Variants in RFWD3 observed in about 807,000 individuals in gnomAD.
RFWD3 encodes the protein ring finger and WD repeat domain 3, also known as E3 ubiquitin-protein ligase RFWD3.
In RFWD3, 65 loss-of-function variants were observed where a neutral mutation model predicts 87.7. The ratio of observed to expected loss-of-function variants is 0.74; its 90% CI spans 0.61 to 0.91. The LOEUF is 0.91. Ranked by LOEUF, RFWD3 falls within the 40% of genes least tolerant of loss-of-function variation. RFWD3 has a pLI of 0.00. For missense variants in RFWD3, 1,078 were observed against 938.5 expected (o/e 1.15, Z -1.94); for synonymous variants, 433 against 352.8 (o/e 1.23, Z -2.55).
Position 74,652,224 on chromosome 16 carries a change from C to T in RFWD3, c.519-102G>A, listed in dbSNP as rs918422816. 11 of 1,063,092 alleles carry T rather than the reference C, an allele frequency of 1.0e-5. No homozygotes were observed. In the Admixed American group the frequency reaches 2.3e-4, roughly 22 times the overall value. 65.9% of individuals were successfully genotyped at this position (1,063,092 alleles called of 1,614,324 possible). ...AAATCCTATCACTTCAACCCATCTC[C>T]AGGCCATTAAATGCTGCCTTTGAAA... is the stretch of plus-strand genomic sequence containing the variant. On this transcript the variant is annotated intron_variant, in intron 2 of 12. Transcript: ENST00000361070.
intron 3 of RFWD3, among the ~76,000 whole-genome samples, chr16:74,651,599 T>TG (rs1175479084): frequency 6.6e-6 from 1 of 152,076 alleles, no homozygotes; most frequent in East Asian, 1.9e-4. Context: ...CAGTTGTCAC[T>TG]GGGGGACAGA....
intron 2 of RFWD3, among the ~76,000 whole-genome samples, chr16:74,660,274 C>G (rs1358492996): frequency 4.6e-5 from 7 of 152,058 alleles, no homozygotes; most frequent in African/African-American, 1.4e-4. Context: ...CATCTCAAAA[C>G]AAAACAAAAC....
chr16:74,626,469 C>T lies in RFWD3; in HGVS notation c.2055G>A (p.Gln685=). The part of the protein sequence containing the change: ...DDTGNPICSC[Q]PVHTFFGGPT... The stretch of plus-strand genomic sequence containing the variant: ...GTCCTCCAAAAAATGTATGTACAGG[C>T]TGGCAGGAGCAGATTGGATTTCCAG... Residue 685 remains glutamine (Q), a synonymous_variant, in exon 12 of 13, where the codon CAG becomes CAA. Transcript: ENST00000361070. 1 of 1,614,142 alleles carries T rather than the reference C, an allele frequency of 6.2e-7. No individual in the cohort carries two copies. The highest frequency in any genetic ancestry group is 1.1e-5 in the South Asian group (1 of 91,082).
intron 4 of RFWD3, among the ~76,000 whole-genome samples, 158 bp downstream of exon 4, chr16:74,648,974 C>G (rs1182324786): frequency 6.6e-6 from 1 of 151,900 alleles, no homozygotes; most frequent in Non-Finnish European, 1.5e-5. Context: ...TCCAGCTATT[C>G]AGGAGGCTGA....
At chr16:74,628,368 C>A (rs1392258513) in intron 11 of RFWD3, 84 bp downstream of exon 11, 4 of 1,332,384 alleles carry the variant, frequency 3.0e-6, no homozygotes, top group Non-Finnish European at 4.2e-6. Flanking sequence ...CCACAGCCAC[C>A]CAAAGGGTAG....
At chr16:74,661,560 G>T in intron 1 of RFWD3, 109 bp from the exon 2 acceptor site, 2 of 1,030,136 alleles carry the variant, frequency 1.9e-6, no homozygotes, top group Non-Finnish European at 2.8e-6. Context: ...ATCATTCTTA[G>T]CAAGACTGAG....
chr16:74,632,447 T>C, intron 9 of RFWD3, 76 bp downstream of exon 9: 4 of 1,501,700 alleles, frequency 2.7e-6, no homozygotes, highest in Admixed American at 1.8e-5. Context: ...GCTAAGGTCA[T>C]CATAACACCG....
chr16:74,637,776 C>A lies in RFWD3; in HGVS notation c.1194+80G>T. The A allele has an allele frequency of 5.9e-6, 6 of 1,016,090 alleles. No individual in the cohort carries two copies. In the South Asian group the frequency reaches 8.4e-5, roughly 14 times the overall value. 62.9% of individuals were successfully genotyped at this position (1,016,090 alleles called of 1,614,324 possible). ...ACAACTTGGCAAATCCTATTTGTTTCTGAGATGAACATAACTAACATTAGC... is the reference window on the plus strand; with the variant it reads ...ACAACTTGGCAAATCCTATTTGTTTATGAGATGAACATAACTAACATTAGC... On this transcript the variant is annotated intron_variant, in intron 7 of 12. Coordinates refer to ENST00000361070, the MANE Select transcript of RFWD3 (RefSeq NM_018124.4).
intron 2 of RFWD3, among the ~76,000 whole-genome samples, chr16:74,654,758 G>A (rs993713748): frequency 2.6e-5 from 4 of 152,104 alleles, no homozygotes; most frequent in African/African-American, 7.2e-5. Context: ...AAAATTAAGC[G>A]CTACAACAGC....
rs139335083 is a variant in RFWD3, at chr16:74,658,702, T to C, written c.518+2230A>G. 1.8e-3 allele frequency among the ~76,000 whole-genome samples: 275 copies of C among 152,222 alleles called. 9 individuals are homozygous for C. In the East Asian group the frequency reaches 0.048, roughly 27 times the overall value. On this transcript the variant is annotated intron_variant, in intron 2 of 12. Coordinates refer to ENST00000361070, the MANE Select transcript of RFWD3 (RefSeq NM_018124.4). Reference sequence around the variant, plus strand: ...GTGGAGACAGATTATGGCTGCCAAATAGCTTGACTGACATCTTTCAACATT... The same window carrying C: ...GTGGAGACAGATTATGGCTGCCAAACAGCTTGACTGACATCTTTCAACATT...
chr16:74,647,648 G>C (rs1047332515), intron 4 of RFWD3, among the ~76,000 whole-genome samples: 2 of 152,076 alleles, frequency 1.3e-5, no homozygotes, highest in Non-Finnish European at 2.9e-5. Flanking sequence ...CTAGAGCGCA[G>C]TGACGCTATT....
At chr16:74,626,691 A>C in intron 11 of RFWD3, 137 bp from the exon 12 acceptor site, 1 of 645,556 alleles carries the variant, frequency 1.5e-6, no homozygotes, top group Non-Finnish European at 2.7e-6. Flanking sequence ...ACAGTTACAA[A>C]ACAAATGAAA....
chr16:74,626,055 G>A (rs764706461), intron 12 of RFWD3, among the ~76,000 whole-genome samples: 4 of 152,130 alleles, frequency 2.6e-5, no homozygotes, highest in African/African-American at 9.7e-5. Context: ...GCATGGTGGT[G>A]GGGTGCCTGT....
chr16:74,645,489 A>T (rs1032494513), intron 4 of RFWD3, among the ~76,000 whole-genome samples: 1 of 152,128 alleles, frequency 6.6e-6, no homozygotes, highest in Non-Finnish European at 1.5e-5. Context: ...TAGACAACAA[A>T]CCTGTATAGG....
At chr16:74,643,683 T>C (rs201176058) in intron 6 of RFWD3, among the ~76,000 whole-genome samples, 16,912 of 146,126 alleles carry the variant, frequency 0.12, 1,461 homozygotes, top group Admixed American at 0.23. Flanking sequence ...TTTTTTTTTT[T>C]TTTTTTTTTT....
rs1378331573 is a variant in RFWD3 at position 74,626,444 on chromosome 16, G to A, written c.2080C>T (p.Pro694Ser). 2 of 1,614,140 alleles carry A rather than the reference G, an allele frequency of 1.2e-6. No individual in the cohort carries two copies. The highest frequency in any genetic ancestry group is 2.2e-5 in the East Asian group (1 of 44,886). Residue 694 changes from proline (P) to serine (S), a missense_variant, in exon 12 of 13, where the codon CCT (proline) becomes TCT (serine). Physicochemically the swap from Pro to Ser is moderately conservative, Grantham distance 74. Transcript: ENST00000361070. ...CQPVHTFFGG[P>S]TCKLLTKNAI... ...TTTTTGGTCAATAGTTTGCAAGTAG[G>A]TCCTCCAAAAAATGTATGTACAGGC...
At chr16:74,629,157 AG>A (rs1275633421) in intron 10 of RFWD3, among the ~76,000 whole-genome samples, 1 of 152,232 alleles carries the variant, frequency 6.6e-6, no homozygotes, top group African/African-American at 2.4e-5. Flanking sequence ...GCATATGACC[AG>A]GACTATGCGC....
At chr16:74,663,370 G>A (rs926932507) in intron 1 of RFWD3, among the ~76,000 whole-genome samples, 1 of 152,168 alleles carries the variant, frequency 6.6e-6, no homozygotes, top group Non-Finnish European at 1.5e-5. Context: ...TGGGAATGTG[G>A]TGTCTTGGAA....
At chr16:74,652,863 T>C (rs1211384142) in intron 2 of RFWD3, among the ~76,000 whole-genome samples, 1 of 152,182 alleles carries the variant, frequency 6.6e-6, no homozygotes. Context: ...TTATATTTAG[T>C]AGAGACAGGG....
Sources: gnomAD v4.1 joint callset for allele counts (sites outside exome capture counted in the v4.1 genomes callset) on GRCh38, gnomAD v4.1.1 for gene constraint, MANE v1.5 for transcripts, NCBI Gene and HGNC (gene_info 2026-07-23, HGNC 2026-07-21) for gene names.